CLUAP1: variants seen among roughly 807,000 people sequenced by gnomAD.
The protein encoded by CLUAP1 is intraflagellar transport 38, also known as clusterin-associated protein 1.
In CLUAP1, 50 loss-of-function variants were observed where a neutral mutation model predicts 55.0. The observed-to-expected ratio is 0.91, with a 90% CI of 0.72 to 1.15. The LOEUF (loss-of-function observed/expected upper bound fraction) is 1.15. Ranked by LOEUF, CLUAP1 falls within the 50% of genes most tolerant of loss-of-function variation. The pLI, the probability that CLUAP1 is intolerant of heterozygous loss-of-function variation, is 0.00. For missense variants in CLUAP1, 530 were observed against 507.6 expected (o/e 1.04, Z -0.42); for synonymous variants, 195 against 175.4 (o/e 1.11, Z -0.88).
At chr16:3,507,727 AAT>A (rs892059829) in intron 3 of CLUAP1, among the ~76,000 whole-genome samples, 2 of 136,282 alleles carry the variant, frequency 1.5e-5, no homozygotes, top group African/African-American at 2.7e-5. Flanking sequence ...TGCAAATAAA[AAT>A]ATATATTTTT....
intron 11 of CLUAP1, chr16:3,534,140 T>C (rs1034735): frequency 0.97 from 147,588 of 152,350 alleles, 71,522 homozygotes; most frequent in East Asian, 1. Flanking sequence ...GGCAAGCCCC[T>C]GCTTCATGGC....
intron 9 of CLUAP1, 141 bp downstream of exon 9, chr16:3,526,625 A>G (rs994712728): frequency 2.2e-5 from 7 of 315,906 alleles, no homozygotes; most frequent in Non-Finnish European, 3.9e-5. Context: ...TGTAGTAAGA[A>G]CACTTCACTT....
chr16:3,519,225 A>T (rs1461426039), intron 6 of CLUAP1, among the ~76,000 whole-genome samples: 1 of 152,224 alleles, frequency 6.6e-6, no homozygotes. Context: ...TTCTTTACTC[A>T]GCCTCTGTTG....
At chr16:3,500,890 C>G (rs544452713), upstream of CLUAP1, 12 of 664,650 alleles carry the variant, frequency 1.8e-5, no homozygotes, top group Admixed American at 2.7e-4. Context: ...CGCTCTCTGC[C>G]GGCCCGCTCT....
At position 3,508,300 on chromosome 16, in the gene CLUAP1, A is replaced by G; in HGVS notation, c.231A>G (p.Ala77=). The stretch of plus-strand genomic sequence containing the variant: ...TGGTCTAAAAATAGGCCACCAAGGC[A>G]CATATAAAACTCAACACTAAGAAGC... ...KAIAQFMATK[A]HIKLNTKKLY... Residue 77 remains alanine, a synonymous_variant, in exon 4 of 12, where the codon GCA becomes GCG. Transcript: ENST00000576634. The G allele has an allele frequency of 6.3e-7, 1 of 1,593,786 alleles. No homozygotes were observed. The highest frequency in any genetic ancestry group is 8.5e-7 in the Non-Finnish European group (1 of 1,174,784).
chr16:3,520,056 G>A lies in CLUAP1; in HGVS notation c.713+20G>A, dbSNP rs571899917. The A allele has an allele frequency of 1.3e-6, 2 of 1,591,132 alleles. No individual in the cohort carries two copies. Among genetic ancestry groups the A allele is most frequent in the South Asian group, 2.3e-5 (2 of 86,404 alleles). On this transcript the variant is annotated intron_variant, in intron 7 of 11. Coordinates refer to ENST00000576634, the MANE Select transcript of CLUAP1 (RefSeq NM_015041.3). ...TGTCAGGTAGATATGAACACTTGGA[G>A]AATGAGTAGAAAGATGTCCTGGAAA...
Position 3,522,228 on chromosome 16 carries a change from A to G in CLUAP1, c.714-930A>G, listed in dbSNP as rs149834022. Among the ~76,000 whole-genome samples the G allele has an allele frequency of 9.9e-4, 151 of 151,938 alleles. 2 individuals carry two copies. In the East Asian group the frequency reaches 0.028, roughly 28 times the overall value. On this transcript the variant is annotated intron_variant, in intron 7 of 11. Coordinates refer to ENST00000576634, the MANE Select transcript of CLUAP1 (RefSeq NM_015041.3). Reference sequence around the variant, plus strand: ...GCCTAGGCTGGAGTGCAGTGGCGCAATCTCGGCTCACTGCAACCTCCACCT... The same window carrying G: ...GCCTAGGCTGGAGTGCAGTGGCGCAGTCTCGGCTCACTGCAACCTCCACCT...
In CLUAP1 at chr16:3,529,592, TTATTATA is replaced by T. The variant is rs1394499110; in HGVS notation, c.929-959_929-953del. ...ATTATATATTATATAATATTATATA[TTATTATA>T]TATTATATATTATATAATATTATAT... On this transcript the variant is annotated intron_variant, in intron 9 of 11. Coordinates refer to ENST00000576634, the MANE Select transcript of CLUAP1 (RefSeq NM_015041.3). 8.5e-4 allele frequency among the ~76,000 whole-genome samples: 35 copies of T among 41,188 alleles called. 1 individual carries two copies. Among genetic ancestry groups the T allele is most frequent in the East Asian group, 1.4e-3 (1 of 716 alleles). The allele number at this position is 41,188 out of a possible 152,430, so 27.0% of individuals were successfully genotyped here. A position where few individuals can be genotyped will look rare whatever the true frequency, so the allele number is the denominator to read the frequency against.
At chr16:3,526,851 G>A (rs534456787) in intron 9 of CLUAP1, among the ~76,000 whole-genome samples, 2 of 152,186 alleles carry the variant, frequency 1.3e-5, no homozygotes, top group African/African-American at 2.4e-5. Flanking sequence ...TATATGATGC[G>A]TAACTATAAG....
At chr16:3,533,068 T>C (rs753003375) in intron 11 of CLUAP1, 14 of 1,533,224 alleles carry the variant, frequency 9.1e-6, no homozygotes, top group Non-Finnish European at 1.1e-5. Context: ...TTTTGCCTTC[T>C]CACTGTTCTT....
intron 5 of CLUAP1, among the ~76,000 whole-genome samples, chr16:3,512,766 C>T (rs1248217739): frequency 1.3e-5 from 2 of 152,124 alleles, no homozygotes; most frequent in African/African-American, 2.4e-5. Context: ...CTGCAAGCTC[C>T]GCCTCCCAGG....
chr16:3,520,350 C>G (rs1356190762), intron 7 of CLUAP1, among the ~76,000 whole-genome samples: 3 of 151,772 alleles, frequency 2.0e-5, no homozygotes, highest in Admixed American at 2.0e-4. Flanking sequence ...CCAGCCTGAG[C>G]CACAGAACAA....
At chr16:3,510,695 C>A (rs1567426693) in intron 4 of CLUAP1, among the ~76,000 whole-genome samples, 1 of 152,196 alleles carries the variant, frequency 6.6e-6, no homozygotes, top group African/African-American at 2.4e-5. Context: ...TCTGCATTTT[C>A]TTTAATTCTT....
intron 1 of CLUAP1, 67 bp from the exon 2 acceptor site, chr16:3,504,653 A>G (rs1376887141): frequency 2.1e-5 from 19 of 897,570 alleles, no homozygotes; most frequent in African/African-American, 4.9e-5. Context: ...AGTAAAGACA[A>G]TATCTAAGTT....
At chr16:3,532,026 A>G (rs1022770679) in intron 10 of CLUAP1, among the ~76,000 whole-genome samples, 1 of 151,952 alleles carries the variant, frequency 6.6e-6, no homozygotes, top group Non-Finnish European at 1.5e-5. Flanking sequence ...TTTAGTAGAG[A>G]CGGGGTTTCA....
At chr16:3,510,384 C>T (rs1392941413) in intron 4 of CLUAP1, among the ~76,000 whole-genome samples, 2 of 151,992 alleles carry the variant, frequency 1.3e-5, no homozygotes, top group East Asian at 1.9e-4. Flanking sequence ...ATCTGCCTGC[C>T]TCGGCCTCCC....
chr16:3,530,699 C>G, intron 10 of CLUAP1, 24 bp downstream of exon 10: 1 of 1,577,802 alleles, frequency 6.3e-7, no homozygotes, highest in South Asian at 1.1e-5. Flanking sequence ...TTTCGCTGGA[C>G]TTCCTCCCTG....
In CLUAP1 at chr16:3,501,108, C is replaced by T; in HGVS notation, c.22+19C>T. 1 of 1,583,952 alleles carries T rather than the reference C, an allele frequency of 6.3e-7. No individual in the cohort carries two copies. On this transcript the variant is annotated intron_variant, in intron 1 of 11. Transcript: ENST00000576634. Reference sequence around the variant, plus strand: ...CTCCGCAGTAAGGCAGCCCCGCGCCCCTGTGACCTGCGGGTCTTCCAGAGA... The same window carrying T: ...CTCCGCAGTAAGGCAGCCCCGCGCCTCTGTGACCTGCGGGTCTTCCAGAGA...
At chr16:3,512,298 G>A (rs1008029659) in intron 4 of CLUAP1, 85 bp from the exon 5 acceptor site, 1 of 1,000,808 alleles carries the variant, frequency 1.0e-6, no homozygotes, top group Non-Finnish European at 1.6e-6. Context: ...GAGTTAGAGA[G>A]CAGCCTGGGT....
Sources: gnomAD v4.1 joint callset for allele counts (sites outside exome capture counted in the v4.1 genomes callset) on GRCh38, gnomAD v4.1.1 for gene constraint, MANE v1.5 for transcripts, NCBI Gene and HGNC (gene_info 2026-07-23, HGNC 2026-07-21) for gene names.